Variants in BMAL1 observed in about 807,000 individuals in gnomAD.
The protein encoded by BMAL1 is basic helix-loop-helix ARNT-like protein 1.
chr11:13,365,259 A>T, the BMAL1 span, among the ~76,000 whole-genome samples: 5 of 150,156 alleles, frequency 3.3e-5, no homozygotes, highest in Non-Finnish European at 4.4e-5. Context: ...CTTTCTTCCT[A>T]TAATAATTAG....
At chr11:13,355,122 G>T in the BMAL1 span, 2 of 1,014,654 alleles carry the variant, frequency 2.0e-6, no homozygotes, top group South Asian at 3.2e-5. Context: ...AAGCACCTGC[G>T]TGGAATCTTA....
the BMAL1 span, among the ~76,000 whole-genome samples, chr11:13,286,582 G>C: frequency 4.6e-5 from 7 of 152,168 alleles, no homozygotes; most frequent in African/African-American, 1.7e-4. Context: ...GGCTGCCTCT[G>C]ATTTCTTCTT....
At chr11:13,350,016 A>G in the BMAL1 span, 1 of 152,246 alleles carries the variant, frequency 6.6e-6, no homozygotes, top group African/African-American at 2.4e-5. Flanking sequence ...GACCAAGTCC[A>G]GAGGCCCCTA....
the BMAL1 span, among the ~76,000 whole-genome samples, chr11:13,295,126 TGGCAG>T: frequency 6.6e-6 from 1 of 152,152 alleles, no homozygotes; most frequent in Non-Finnish European, 1.5e-5. Context: ...GGCCCACAGC[TGGCAG>T]GGCAGGCTCA....
chr11:13,283,906 T>G, the BMAL1 span, among the ~76,000 whole-genome samples: 1 of 151,722 alleles, frequency 6.6e-6, no homozygotes, highest in Non-Finnish European at 1.5e-5. Context: ...CCCAGGCAGC[T>G]CCTTGTGTGA....
chr11:13,353,002 GT>G, the BMAL1 span, among the ~76,000 whole-genome samples: 1 of 152,202 alleles, frequency 6.6e-6, no homozygotes, highest in Admixed American at 6.5e-5. Flanking sequence ...TAAAATACGA[GT>G]TCTCAAAATG....
At chr11:13,293,465 T>A in the BMAL1 span, among the ~76,000 whole-genome samples, 1 of 152,220 alleles carries the variant, frequency 6.6e-6, no homozygotes, top group Non-Finnish European at 1.5e-5. Flanking sequence ...GGTGAGGAAG[T>A]ACTGTGTAGA....
the BMAL1 span, chr11:13,355,176 A>G: frequency 6.5e-7 from 1 of 1,532,338 alleles, no homozygotes; most frequent in Non-Finnish European, 9.0e-7. Flanking sequence ...TAATGAGGGA[A>G]AATCTCCGAG....
At chr11:13,350,471 T>G in the BMAL1 span, among the ~76,000 whole-genome samples, 2 of 152,176 alleles carry the variant, frequency 1.3e-5, no homozygotes, top group Non-Finnish European at 2.9e-5. Flanking sequence ...TAAAGAGCAG[T>G]AGGAGAGTAT....
the BMAL1 span, chr11:13,356,703 A>G: frequency 6.2e-7 from 1 of 1,613,170 alleles, no homozygotes; most frequent in Non-Finnish European, 8.5e-7. Flanking sequence ...GTATGTCTTT[A>G]TTAACATGCA....
At chr11:13,350,305 G>T in the BMAL1 span, among the ~76,000 whole-genome samples, 1 of 152,182 alleles carries the variant, frequency 6.6e-6, no homozygotes, top group African/African-American at 2.4e-5. Context: ...AGACCCTGAG[G>T]GCAGGGCTCT....
chr11:13,376,549 A>G, the BMAL1 span: 1 of 1,211,414 alleles, frequency 8.3e-7, no homozygotes, highest in Non-Finnish European at 1.2e-6. Flanking sequence ...GTCCAGGTCC[A>G]GAGTGGACAC....
the BMAL1 span, among the ~76,000 whole-genome samples, chr11:13,330,014 CT>C: frequency 6.6e-6 from 1 of 152,204 alleles, no homozygotes; most frequent in Admixed American, 6.5e-5. Flanking sequence ...AGCTCAGGGT[CT>C]TAAATGCACA....
chr11:13,290,559 ATATTATTAT>A, the BMAL1 span, among the ~76,000 whole-genome samples: 289 of 149,064 alleles, frequency 1.9e-3, no homozygotes, highest in Non-Finnish European at 2.9e-3. Flanking sequence ...ACAAGTGTAT[ATATTATTAT>A]TATTATTATT....
At chr11:13,321,387 T>TCA in the BMAL1 span, among the ~76,000 whole-genome samples, 2 of 152,196 alleles carry the variant, frequency 1.3e-5, no homozygotes. Flanking sequence ...AGCAGCTTTG[T>TCA]GAAATGGGCT....
chr11:13,365,336 C>T, the BMAL1 span: 1 of 480,488 alleles, frequency 2.1e-6, no homozygotes, highest in Non-Finnish European at 3.8e-6. Flanking sequence ...TACAGTTCTT[C>T]AGAGACGTTT....
chr11:13,350,114 T>C, the BMAL1 span: 1 of 152,234 alleles, frequency 6.6e-6, no homozygotes, highest in Admixed American at 6.5e-5. Context: ...GAACTCATGA[T>C]TCTTGGTAGC....
chr11:13,311,854 G>C, the BMAL1 span, among the ~76,000 whole-genome samples: 1 of 152,196 alleles, frequency 6.6e-6, no homozygotes, highest in African/African-American at 2.4e-5. Flanking sequence ...GATGTGATCT[G>C]TTGGGGAAGT....
chr11:13,284,092 GTGTGTGTGTGTGTGTGTGTATATATA>G, the BMAL1 span, among the ~76,000 whole-genome samples: 17 of 85,640 alleles, frequency 2.0e-4, 1 homozygote, highest in African/African-American at 6.1e-4. Context: ...GTGTGTGTGT[GTGTGTGTGTGTGTGTGTGTATATATA>G]TGTGTGTGTG....
Sources: allele counts gnomAD v4.1 joint callset (sites outside exome capture counted in the v4.1 genomes callset), GRCh38; gene constraint gnomAD v4.1.1; transcripts MANE v1.5; gene names NCBI Gene and HGNC (gene_info 2026-07-23, HGNC 2026-07-21).